LSAMP: variants seen among roughly 807,000 people sequenced by gnomAD.
The protein encoded by LSAMP is limbic system associated membrane protein.
LSAMP carries 7 observed loss-of-function variants against 38.6 expected under a neutral mutation model. The ratio of observed to expected loss-of-function variants is 0.18; its 90% CI spans 0.10 to 0.34. The LOEUF is 0.34. Ranked by LOEUF, LSAMP falls within the 10% of genes least tolerant of loss-of-function variation. The pLI is 1.00. For synonymous variants in LSAMP, 154 were observed against 166.8 expected (o/e 0.92, Z 0.59); for missense variants, 313 against 420.0 (o/e 0.75, Z 2.23).
At chr3:116,074,569 T>G (rs550580115) in intron 2 of LSAMP, among the ~76,000 whole-genome samples, 2 of 152,280 alleles carry the variant, frequency 1.3e-5, no homozygotes, top group Non-Finnish European at 2.9e-5. Flanking sequence ...TATCCCTACA[T>G]TACCCCAGGG....
intron 2 of LSAMP, among the ~76,000 whole-genome samples, chr3:116,035,720 T>A (rs1423716731): frequency 1.3e-5 from 2 of 152,198 alleles, no homozygotes; most frequent in Admixed American, 6.5e-5. Flanking sequence ...ATTTAGTCCA[T>A]CTGCTTCCTG....
At chr3:115,932,481 G>A (rs1304482785) in intron 3 of LSAMP, among the ~76,000 whole-genome samples, 2 of 152,206 alleles carry the variant, frequency 1.3e-5, no homozygotes, top group East Asian at 1.9e-4. Context: ...TGTGTGCAGA[G>A]GTACAGAGGG....
At chr3:116,346,094 T>C (rs1025113611) in intron 1 of LSAMP, among the ~76,000 whole-genome samples, 5 of 152,176 alleles carry the variant, frequency 3.3e-5, no homozygotes, top group Admixed American at 6.6e-5. Context: ...AAAATTACTA[T>C]ATATCCTAAA....
At chr3:116,064,085 T>C (rs1941641535) in intron 2 of LSAMP, among the ~76,000 whole-genome samples, 1 of 152,238 alleles carries the variant, frequency 6.6e-6, no homozygotes. Context: ...CTCAGTAATT[T>C]ACTAGAGCAA....
chr3:115,940,685 CTTG>C (rs1228437467), intron 3 of LSAMP, among the ~76,000 whole-genome samples: 2 of 152,112 alleles, frequency 1.3e-5, no homozygotes, highest in East Asian at 1.9e-4. Flanking sequence ...CCAGTGTATT[CTTG>C]TTGTCCTTGT....
intron 1 of LSAMP, among the ~76,000 whole-genome samples, chr3:116,406,857 T>C (rs944185833): frequency 3.3e-5 from 5 of 151,476 alleles, no homozygotes; most frequent in Non-Finnish European, 7.4e-5. Flanking sequence ...AAAATGTAAG[T>C]ATAAAGAAAA....
At chr3:116,192,512 C>T (rs1401145669) in intron 1 of LSAMP, among the ~76,000 whole-genome samples, 1 of 152,184 alleles carries the variant, frequency 6.6e-6, no homozygotes, top group Non-Finnish European at 1.5e-5. Context: ...GAGTCTTTGC[C>T]TCTTTCAGTC....
chr3:116,341,008 A>T (rs1446931629), intron 1 of LSAMP, among the ~76,000 whole-genome samples: 1 of 152,056 alleles, frequency 6.6e-6, no homozygotes, highest in African/African-American at 2.4e-5. Flanking sequence ...CTTATGTGGC[A>T]TATGGAGATA....
At chr3:116,439,251 C>A (rs1337675134) in intron 1 of LSAMP, among the ~76,000 whole-genome samples, 2 of 151,778 alleles carry the variant, frequency 1.3e-5, no homozygotes, top group Non-Finnish European at 2.9e-5. Context: ...GCTAGCGAAT[C>A]GCTTGGAAGT....
chr3:116,053,278 A>C (rs1941429277), intron 2 of LSAMP, among the ~76,000 whole-genome samples: 1 of 152,208 alleles, frequency 6.6e-6, no homozygotes, highest in Non-Finnish European at 1.5e-5. Context: ...AATTCAATTA[A>C]ATCATGGTTA....
At chr3:116,173,208 G>A (rs1365763534) in intron 1 of LSAMP, among the ~76,000 whole-genome samples, 2 of 152,030 alleles carry the variant, frequency 1.3e-5, no homozygotes, top group Non-Finnish European at 2.9e-5. Flanking sequence ...AATGTTGGAT[G>A]AATAAGTGAC....
At chr3:116,311,450 T>A (rs1223681706) in intron 1 of LSAMP, among the ~76,000 whole-genome samples, 1 of 152,182 alleles carries the variant, frequency 6.6e-6, no homozygotes, top group Non-Finnish European at 1.5e-5. Flanking sequence ...GATGCAGCAT[T>A]TGAGAATATC....
intron 1 of LSAMP, among the ~76,000 whole-genome samples, chr3:116,218,230 G>T (rs2107613591): frequency 6.6e-6 from 1 of 152,146 alleles, no homozygotes; most frequent in South Asian, 2.1e-4. Flanking sequence ...AGATTTAGGA[G>T]AAAGAAGATG....
At chr3:116,221,932 A>G (rs2046290893) in intron 1 of LSAMP, among the ~76,000 whole-genome samples, 1 of 151,076 alleles carries the variant, frequency 6.6e-6, no homozygotes, top group Non-Finnish European at 1.5e-5. Context: ...ATTCTTCTCA[A>G]AAGACTTTTT....
intron 3 of LSAMP, among the ~76,000 whole-genome samples, chr3:116,008,061 G>T (rs1559918043): frequency 1.3e-5 from 2 of 152,152 alleles, no homozygotes; most frequent in Admixed American, 6.5e-5. Context: ...CTTGAAGTTA[G>T]TTCTTTCTAC....
At chr3:116,009,956 A>C (rs1374925564) in intron 3 of LSAMP, among the ~76,000 whole-genome samples, 1 of 152,078 alleles carries the variant, frequency 6.6e-6, no homozygotes, top group Non-Finnish European at 1.5e-5. Context: ...TCACTCTGCC[A>C]CCCAGGCTGG....
In LSAMP at chr3:116,095,543, C is replaced by T. The variant is rs879591406; in HGVS notation, c.156-8987G>A. 9.2e-5 allele frequency among the ~76,000 whole-genome samples: 14 copies of T among 152,180 alleles called. No homozygotes were observed. The South Asian group carries it at 1.0e-3, about 11-fold the overall frequency. ...GAATGTGTCTCAACAAACTCCCTTC[C>T]GGCACCATCTGTATTCCTATTGTTG... On this transcript the variant is annotated intron_variant, in intron 1 of 6. Coordinates refer to ENST00000490035, the MANE Select transcript of LSAMP (RefSeq NM_002338.5).
intron 3 of LSAMP, among the ~76,000 whole-genome samples, chr3:115,904,425 C>A (rs1032339981): frequency 6.6e-6 from 1 of 151,432 alleles, no homozygotes; most frequent in African/African-American, 2.4e-5. Context: ...AACGTCAGTC[C>A]CAGATAAAAT....
chr3:116,307,209 C>T (rs2047495468), intron 1 of LSAMP, among the ~76,000 whole-genome samples: 1 of 151,970 alleles, frequency 6.6e-6, no homozygotes, highest in South Asian at 2.1e-4. Context: ...CAAAAGCTGC[C>T]AGCAGTCACT....
Sources: gnomAD v4.1 joint callset for allele counts (sites outside exome capture counted in the v4.1 genomes callset) on GRCh38, gnomAD v4.1.1 for gene constraint, MANE v1.5 for transcripts, NCBI Gene and HGNC (gene_info 2026-07-23, HGNC 2026-07-21) for gene names.